Variants in LILRA5 observed in about 807,000 individuals in gnomAD.
LILRA5 encodes leukocyte immunoglobulin like receptor A5.
Under a neutral mutation model 36.3 loss-of-function variants are expected in LILRA5, and 31 were observed. The observed-to-expected ratio is 0.85, with a 90% CI of 0.64 to 1.15. LILRA5 has a LOEUF of 1.15. Ranked by LOEUF, LILRA5 falls within the 50% of genes most tolerant of loss-of-function variation. The pLI is 0.00. For synonymous variants in LILRA5, 144 were observed against 144.8 expected, an observed-to-expected ratio of 0.99 and a Z score of 0.04; for missense variants, 348 against 377.4, an observed-to-expected ratio of 0.92 and a Z score of 0.64.
At chr19:54,312,781 G>T in intron 1 of LILRA5, 160 bp from the exon 2 acceptor site, 1 of 809,682 alleles carries the variant, frequency 1.2e-6, no homozygotes, top group Non-Finnish European at 2.0e-6. Context: ...GAGACTACAG[G>T]CACCAGGCTC....
intron 5 of LILRA5, chr19:54,309,501 C>T (rs1425493257): frequency 7.3e-6 from 1 of 136,898 alleles, no homozygotes; most frequent in African/African-American, 2.7e-5. Context: ...AAGAAATATA[C>T]ATGAATCAAA....
chr19:54,312,683 G>A, intron 1 of LILRA5, 62 bp from the exon 2 acceptor site: 2 of 1,504,108 alleles, frequency 1.3e-6, no homozygotes, highest in South Asian at 2.3e-5. Flanking sequence ...TCTTGTCATA[G>A]GATTTTCTCA....
In LILRA5 at chr19:54,311,736, C is replaced by T. The variant is rs751921227; in HGVS notation, c.410-20G>A. 9.9e-6 allele frequency: 16 copies of T among 1,610,240 alleles called. No homozygotes were observed. The East Asian group carries it at 1.1e-4, about 11-fold the overall frequency. ...AGAATCCTAGGAGAGAAGGAGGCAC[C>T]GTGTTAAATGGGGCTCCCACCTCCC... On this transcript the variant is annotated intron_variant, in intron 4 of 6. Coordinates refer to ENST00000432233, the MANE Select transcript of LILRA5 (RefSeq NM_021250.4).
Position 54,313,078 on chromosome 19 carries a change from G to A in LILRA5, c.-59C>T. ...GGGAAGATGCAGGTCCATGCCACAG[G>A]CAGACTCAGATCAGCAGAGACACAT... is the stretch of plus-strand genomic sequence containing the variant. On this transcript the variant is annotated 5_prime_UTR_variant, in exon 1 of 7. Transcript: ENST00000432233. 3.2e-6 allele frequency: 5 copies of A among 1,581,186 alleles called. No homozygotes were observed. In the South Asian group the frequency reaches 4.4e-5, roughly 14 times the overall value.
intron 4 of LILRA5, 53 bp from the exon 5 acceptor site, chr19:54,311,769 C>T (rs947761244): frequency 5.0e-6 from 8 of 1,610,474 alleles, no homozygotes; most frequent in African/African-American, 2.7e-5. Context: ...CCCACATCAT[C>T]CCCAGGGCTG....
At chr19:54,311,026 G>T (rs1224559884) in intron 5 of LILRA5, 1 of 303,242 alleles carries the variant, frequency 3.3e-6, no homozygotes, top group Non-Finnish European at 6.5e-6. Flanking sequence ...CACAGTCTCG[G>T]CTCACTGCAA....
At chr19:54,308,374 T>A (rs892993433) in intron 5 of LILRA5, 13 of 42,020 alleles carry the variant, frequency 3.1e-4, no homozygotes, top group Admixed American at 2.0e-3. Context: ...TATATATATA[T>A]ATATATATAT....
At chr19:54,312,487 G>A (rs780238786) in intron 2 of LILRA5, 50 bp downstream of exon 2, 1 of 1,613,698 alleles carries the variant, frequency 6.2e-7, no homozygotes, top group East Asian at 2.2e-5. Context: ...GTTATGGGGT[G>A]GGGTCCCTCC....
At position 54,312,044 on chromosome 19, in the gene LILRA5, G is replaced by A. The variant is rs1411093547; in HGVS notation, c.229C>T (p.Arg77Cys). Reference sequence around the variant, plus strand: ...TCTGGGCTTCCCTCTTTAACCAGACGGTATTCCTGGGCCTCCAGGGTCCCC... The same window carrying A: ...TCTGGGCTTCCCTCTTTAACCAGACAGTATTCCTGGGCCTCCAGGGTCCCC... ...CQGTLEAQEY[R>C]LVKEGSPEPW... The change falls in exon 4 of 7, where the codon CGT (arginine) becomes TGT (cysteine). Residue 77 changes from arginine to cysteine, a missense_variant. By Grantham distance (180) the Arg-to-Cys change is radical. Transcript: ENST00000432233. 1.4e-5 allele frequency: 23 copies of A among 1,614,028 alleles called. No homozygotes were observed. The highest frequency in any genetic ancestry group is 6.7e-5 in the East Asian group (3 of 44,882).
chr19:54,310,926 T>C (rs1023635752), intron 5 of LILRA5: 8 of 242,782 alleles, frequency 3.3e-5, no homozygotes, highest in Non-Finnish European at 6.8e-5. Context: ...TAAACCTCCT[T>C]CTGGAGTCTC....
chr19:54,312,227 C>T (rs1490710467), intron 3 of LILRA5, 79 bp from the exon 4 acceptor site: 74 of 1,611,452 alleles, frequency 4.6e-5, no homozygotes, highest in East Asian at 6.7e-5. Flanking sequence ...ACCCTCCAGA[C>T]GTCCCCATCA....
rs189390582 is a variant in LILRA5 at position 54,307,301 on chromosome 19, C to A, written c.*112G>T. 3.3e-6 allele frequency: 3 copies of A among 909,276 alleles called. No homozygotes were observed. Among genetic ancestry groups the A allele is most frequent in the East Asian group, 5.9e-5 (2 of 33,794 alleles). 56.3% of individuals were successfully genotyped at this position (909,276 alleles called of 1,614,324 possible). A position where few individuals can be genotyped will look rare whatever the true frequency, so the allele number is the denominator to read the frequency against. On this transcript the variant is annotated 3_prime_UTR_variant, in exon 7 of 7. Transcript: ENST00000432233. ...GAAAAGAAAGAAAAAAAGAAATTGCCAGCAGACAGTCCAGATGGCATAGGC... is the reference window on the plus strand; with the variant it reads ...GAAAAGAAAGAAAAAAAGAAATTGCAAGCAGACAGTCCAGATGGCATAGGC...
chr19:54,311,473 C>A lies in LILRA5; in HGVS notation c.653G>T (p.Arg218Leu). 6.2e-7 allele frequency: 1 copy of A among 1,614,148 alleles called. No individual in the cohort carries two copies. The highest frequency in any genetic ancestry group is 8.5e-7 in the Non-Finnish European group (1 of 1,180,006). The change falls in exon 5 of 7, where the codon CGC becomes CTC. Residue 218 changes from arginine (R) to leucine (L), a missense_variant. Transcript: ENST00000432233. ...TGACCATACCTGCAGGATATGCCTG[C>A]GAGAGCCATAGCATCTGAGCATCCA... ...HRWMLRCYGS[R>L]RHILQVWSEP...
chr19:54,308,281 A>C (rs1013646333), intron 5 of LILRA5: 2 of 159,944 alleles, frequency 1.3e-5, no homozygotes, highest in African/African-American at 4.9e-5. Flanking sequence ...CTATTCATAT[A>C]GTCAGTCATA....
In LILRA5 at chr19:54,311,708, T is replaced by C. The variant is rs1480643672; in HGVS notation, c.418A>G (p.Asn140Asp). 6.2e-7 allele frequency: 1 copy of C among 1,612,380 alleles called. No homozygotes were observed. The highest frequency in any genetic ancestry group is 1.3e-5 in the African/African-American group (1 of 74,866). The change falls in exon 5 of 7, where the codon AAC becomes GAC. Residue 140 changes from asparagine (N) to aspartate (D), a missense_variant. Asn to Asp is a conservative substitution (Grantham distance 23). Coordinates refer to ENST00000432233, the MANE Select transcript of LILRA5 (RefSeq NM_021250.4). ...GGCAGGGCTGAGAGGGTGGGTTTGT[T>C]GTAGAATCCTAGGAGAGAAGGAGGC... Reference protein sequence around the residue: ...PLELVVTGFYNKPTLSALPSP... With the variant: ...PLELVVTGFYDKPTLSALPSP...
Position 54,311,399 on chromosome 19 carries a change from CTG to C in LILRA5, c.712+13_712+14del. 2 of 1,614,202 alleles carry C rather than the reference CTG, an allele frequency of 1.2e-6. No homozygotes were observed. Among genetic ancestry groups the C allele is most frequent in the Middle Eastern group, 1.6e-4 (1 of 6,062 alleles). On this transcript the variant is annotated intron_variant, in intron 5 of 6. Coordinates refer to ENST00000432233, the MANE Select transcript of LILRA5 (RefSeq NM_021250.4). ...CTTCCCTGAATTGTACTAGAGAAGA[CTG>C]TGGCTTCCTCACCTGAGACCGGAAT...
rs1490079099 is a variant in LILRA5, at chr19:54,307,402, C to T, written c.*11G>A. The T allele has an allele frequency of 3.8e-6, 6 of 1,599,944 alleles. No homozygotes were observed. The highest frequency in any genetic ancestry group is 2.7e-5 in the African/African-American group (2 of 74,696). On this transcript the variant is annotated 3_prime_UTR_variant, in exon 7 of 7. Transcript: ENST00000432233. ...CTCCAGCATTCAATGGTGCATTGTT[C>T]TCTCTTCTGTTCACCTTCCAGCTGC...
In LILRA5 at chr19:54,311,708, T is replaced by A. The variant is rs1480643672; in HGVS notation, c.418A>T (p.Asn140Tyr). The A allele has an allele frequency of 6.2e-7, 1 of 1,612,498 alleles. No individual in the cohort carries two copies. Among genetic ancestry groups the A allele is most frequent in the Admixed American group, 1.7e-5 (1 of 60,004 alleles). ...PLELVVTGFY[N>Y]KPTLSALPSP... ...GGCAGGGCTGAGAGGGTGGGTTTGT[T>A]GTAGAATCCTAGGAGAGAAGGAGGC... The change falls in exon 5 of 7, where the codon AAC becomes TAC. Residue 140 changes from asparagine to tyrosine, a missense_variant. By Grantham distance (143) the Asn-to-Tyr change is moderately radical (BLOSUM62 -2). Transcript: ENST00000432233.
rs2081049439 is a variant in LILRA5 at position 54,312,699 on chromosome 19, A to G, written c.4-78T>C. On this transcript the variant is annotated intron_variant, in intron 1 of 6. Coordinates refer to ENST00000432233, the MANE Select transcript of LILRA5 (RefSeq NM_021250.4). ...CTTGTCATAGGATTTTCTCATTCTC[A>G]GCCCACAGAAAGGGGAACTGCTCTC... 7.1e-6 allele frequency: 10 copies of G among 1,404,062 alleles called. No individual in the cohort carries two copies. In the Admixed American group the frequency reaches 7.5e-5, roughly 11 times the overall value. The allele number at this position is 1,404,062 out of a possible 1,614,324, so 87.0% of individuals were successfully genotyped here. A position where few individuals can be genotyped will look rare whatever the true frequency, so the allele number is the denominator to read the frequency against.
Sources: allele counts gnomAD v4.1 joint callset, GRCh38; gene constraint gnomAD v4.1.1; transcripts MANE v1.5; gene names NCBI Gene and HGNC (gene_info 2026-07-23, HGNC 2026-07-21).